The following PROX1 variants were observed in gnomAD, a reference collection of about 807,000 sequenced individuals.
The protein encoded by PROX1 is prospero homeobox protein 1.
In PROX1, 7 loss-of-function variants were observed where a neutral mutation model predicts 58.8. The ratio of observed to expected loss-of-function variants is 0.12; its 90% CI spans 0.07 to 0.22. The LOEUF is 0.22. Ranked by LOEUF, PROX1 falls within the 10% of genes least tolerant of loss-of-function variation. PROX1 has a pLI of 1.00. For synonymous variants in PROX1, 350 were observed against 358.3 expected (o/e 0.98, Z 0.26); for missense variants, 675 against 927.8 (o/e 0.73, Z 3.54).
intron 4 of PROX1, among the ~76,000 whole-genome samples, chr1:214,025,789 A>G (rs997153036): frequency 6.6e-6 from 1 of 151,884 alleles, no homozygotes; most frequent in Non-Finnish European, 1.5e-5. Flanking sequence ...AGCCTCCTGA[A>G]TAGCTGGGAT....
upstream of PROX1, chr1:213,985,536 C>A (rs1188954304): frequency 6.6e-6 from 1 of 152,218 alleles, no homozygotes; most frequent in East Asian, 1.9e-4. Flanking sequence ...TGCGAACCGC[C>A]GCGGCAGAGC....
intron 1 of PROX1, among the ~76,000 whole-genome samples, chr1:213,989,130 C>T (rs948420278): frequency 5.9e-5 from 9 of 151,982 alleles, no homozygotes; most frequent in Non-Finnish European, 1.3e-4. Flanking sequence ...AGCAGAGGAC[C>T]GGGAACTGGG....
chr1:214,009,492 A>G (rs551668650), intron 3 of PROX1, among the ~76,000 whole-genome samples: 1 of 152,318 alleles, frequency 6.6e-6, no homozygotes, highest in African/African-American at 2.4e-5. Context: ...GCCGGCGACT[A>G]AAACTGAACA....
rs139270548 is a variant in PROX1, at chr1:214,027,856, T to TTATA, written c.2029-7778_2029-7775dup. 6.2e-4 allele frequency among the ~76,000 whole-genome samples: 90 copies of TTATA among 145,018 alleles called. No homozygotes were observed. In the South Asian group the frequency reaches 0.011, roughly 18 times the overall value. Reference sequence around the variant, plus strand: ...AACAGAACATTGTTCTTTCGAAGCTTTATATATATATATATATAAAAGAGA... The same window carrying TTATA: ...AACAGAACATTGTTCTTTCGAAGCTTTATATATATATATATATATATAAAAGAGA... On this transcript the variant is annotated intron_variant, in intron 4 of 4. Transcript: ENST00000366958.
chr1:214,032,540 T>A (rs113076124), intron 4 of PROX1, among the ~76,000 whole-genome samples: 2 of 152,058 alleles, frequency 1.3e-5, no homozygotes, highest in African/African-American at 4.8e-5. Context: ...ACCACAGGCA[T>A]GTGCCACCAC....
chr1:214,005,122 T>C (rs1164981100), intron 2 of PROX1, 43 bp from the exon 3 acceptor site: 5 of 1,519,834 alleles, frequency 3.3e-6, no homozygotes, highest in East Asian at 4.5e-5. Flanking sequence ...GTGGGAGTCC[T>C]TGTGCTTACA....
chr1:214,013,576 C>G (rs373394065), intron 4 of PROX1, among the ~76,000 whole-genome samples: 1 of 152,082 alleles, frequency 6.6e-6, no homozygotes, highest in Non-Finnish European at 1.5e-5. Flanking sequence ...CGAGGGTTTT[C>G]GGGTTGCTTA....
At position 213,997,869 on chromosome 1, in the gene PROX1, A is replaced by G; in HGVS notation, c.1334A>G (p.Lys445Arg). Reference sequence around the variant, plus strand: ...GAAGCACTGCCCCTGGTTGTCCGCAAAAACTCCTCTGACCAGTCTGCCTCC... The same window carrying G: ...GAAGCACTGCCCCTGGTTGTCCGCAGAAACTCCTCTGACCAGTCTGCCTCC... Reference protein sequence around the residue: ...QTEALPLVVRKNSSDQSASGP... With the variant: ...QTEALPLVVRRNSSDQSASGP... Residue 445 changes from lysine (K) to arginine (R), a missense_variant, in exon 2 of 5, where the codon AAA becomes AGA. Around this residue, in one of 8 missense-constraint regions of PROX1, gnomAD observed 403 missense variants for 477.4 expected, o/e 0.84. Coordinates refer to ENST00000366958, the MANE Select transcript of PROX1 (RefSeq NM_001270616.2). The surrounding 1 kb of genome is among the most constrained non-coding windows in gnomAD (Gnocchi z 7.1). 6.2e-7 allele frequency: 1 copy of G among 1,613,186 alleles called. No homozygotes were observed. The highest frequency in any genetic ancestry group is 8.5e-7 in the Non-Finnish European group (1 of 1,179,516).
Position 213,996,865 on chromosome 1 carries a change from T to C in PROX1, c.330T>C (p.Ser110=). Residue 110 remains serine (S), a synonymous_variant, in exon 2 of 5, where the codon AGT becomes AGC. Transcript: ENST00000366958. ...NMNKNGGTEP[S]FQASGLSSTG... ...ACAAAAATGGTGGCACGGAGCCCAG[T>C]TTCCAAGCCAGCGGTCTCTCTAGTA... The C allele has an allele frequency of 6.2e-7, 1 of 1,613,908 alleles. No homozygotes were observed. The highest frequency in any genetic ancestry group is 1.3e-5 in the African/African-American group (1 of 74,952).
At chr1:214,034,853 C>G (rs970390827) in intron 4 of PROX1, among the ~76,000 whole-genome samples, 8 of 152,030 alleles carry the variant, frequency 5.3e-5, no homozygotes, top group Non-Finnish European at 8.8e-5. Context: ...ATAATAACAC[C>G]CCTTAGAGAG....
Position 214,039,645 on chromosome 1 carries a change from A to C in PROX1, c.*3811A>C, listed in dbSNP as rs1370692266. The C allele has an allele frequency of 6.6e-6, 1 of 152,214 alleles. No individual in the cohort carries two copies. The highest frequency in any genetic ancestry group is 2.4e-5 in the African/African-American group (1 of 41,446). The allele number at this position is 152,214 out of a possible 1,614,324, so 9.4% of individuals were successfully genotyped here. ...TAGACAGTTGAAAGCATTCTTGAAA[A>C]TCCTGCTCTCTCCTTTTAAAAGTTA... is the stretch of plus-strand genomic sequence containing the variant. On this transcript the variant is annotated 3_prime_UTR_variant, in exon 5 of 5. Transcript: ENST00000366958.
chr1:214,011,626 G>A lies in PROX1; in HGVS notation c.1939G>A (p.Val647Ile). 6.2e-7 allele frequency: 1 copy of A among 1,614,072 alleles called. No homozygotes were observed. The highest frequency in any genetic ancestry group is 1.1e-5 in the South Asian group (1 of 91,080). ...CGCACGTCAAGCCATCAACGATGGG[G>A]TCACCAGTACTGAAGAGCTGTCTAT... ...KYARQAINDG[V>I]TSTEELSITR... The change falls in exon 4 of 5, where the codon GTC (valine) becomes ATC (isoleucine). Residue 647 changes from valine to isoleucine, a missense_variant. Physicochemically the swap from Val to Ile is conservative, Grantham distance 29. Transcript: ENST00000366958.
intron 4 of PROX1, chr1:214,029,680 G>C (rs752069454): frequency 1.3e-5 from 2 of 152,158 alleles, no homozygotes; most frequent in African/African-American, 4.8e-5. Context: ...AAAATTGAGA[G>C]AGCACTGTTC....
chr1:214,023,297 A>C (rs1210216200), intron 4 of PROX1, among the ~76,000 whole-genome samples: 1 of 151,956 alleles, frequency 6.6e-6, no homozygotes, highest in Non-Finnish European at 1.5e-5. Flanking sequence ...TAACTTCTAT[A>C]TAATGTACGT....
upstream of PROX1, chr1:213,985,091 G>A (rs907859888): frequency 6.6e-6 from 1 of 152,238 alleles, no homozygotes; most frequent in African/African-American, 2.4e-5. Context: ...AACCTGCACG[G>A]ATAGAGTGTG....
At position 213,997,928 on chromosome 1, in the gene PROX1, C is replaced by A. The variant is rs754119506; in HGVS notation, c.1393C>A (p.His465Asn). 1.9e-6 allele frequency: 3 copies of A among 1,613,532 alleles called. No homozygotes were observed. The highest frequency in any genetic ancestry group is 1.7e-6 in the Non-Finnish European group (2 of 1,179,752). ...PAAGGHHQPL[H>N]QSPLSATTGF... ...CGCTGGCGGCCACCACCAGCCCCTG[C>A]ACCAGTCGCCTCTCTCTGCCACCAC... Residue 465 changes from histidine (H) to asparagine (N), a missense_variant, in exon 2 of 5, where the codon CAC becomes AAC. By Grantham distance (68) the His-to-Asn change is moderately conservative. Around this residue, in one of 8 missense-constraint regions of PROX1, gnomAD observed 403 missense variants for 477.4 expected, o/e 0.84. Transcript: ENST00000366958. The surrounding 1 kb of genome is among the most constrained non-coding windows in gnomAD (Gnocchi z 7.1).
intron 3 of PROX1, among the ~76,000 whole-genome samples, chr1:214,009,277 G>A (rs560969122): frequency 7.9e-5 from 12 of 152,280 alleles, no homozygotes; most frequent in African/African-American, 1.9e-4. Context: ...ACAGAGACTC[G>A]TACACTGTGG....
Position 214,008,160 on chromosome 1 carries a change from T to A in PROX1, c.1833+2888T>A, listed in dbSNP as rs527891527. Among the ~76,000 whole-genome samples the A allele has an allele frequency of 3.8e-4, 58 of 152,196 alleles. 1 individual carries two copies. In the South Asian group the frequency reaches 0.012, roughly 32 times the overall value. ...TCCACCTCCTGGGTTCAAGAGATTCTCCTGCCTCAGCCTCCCAAGAAGCTG... is the reference window on the plus strand; with the variant it reads ...TCCACCTCCTGGGTTCAAGAGATTCACCTGCCTCAGCCTCCCAAGAAGCTG... On this transcript the variant is annotated intron_variant, in intron 3 of 4. Coordinates refer to ENST00000366958, the MANE Select transcript of PROX1 (RefSeq NM_001270616.2).
At chr1:214,003,536 T>G (rs1253808201) in intron 2 of PROX1, among the ~76,000 whole-genome samples, 2 of 152,222 alleles carry the variant, frequency 1.3e-5, no homozygotes, top group African/African-American at 4.8e-5. Context: ...GTCTTTGTAA[T>G]CATTAAGGAT....
Sources: gnomAD v4.1 joint callset for allele counts (sites outside exome capture counted in the v4.1 genomes callset) on GRCh38, gnomAD v4.1.1 for gene constraint, gnomAD v4.1.1 regional missense constraint, Gnocchi (gnomAD v3.1) non-coding constraint, MANE v1.5 for transcripts, NCBI Gene and HGNC (gene_info 2026-07-23, HGNC 2026-07-21) for gene names.